The following SLC24A1 variants were observed in gnomAD, a reference collection of about 807,000 sequenced individuals.
SLC24A1 encodes solute carrier family 24 member 1.
Under a neutral mutation model 88.1 loss-of-function variants are expected in SLC24A1, and 52 were observed. The ratio of observed to expected loss-of-function variants is 0.59; its 90% confidence interval spans 0.47 to 0.74. The LOEUF is 0.74. Among genes scored for constraint, SLC24A1 ranks in the 30% least tolerant of loss-of-function variants. The probability of loss-of-function intolerance (pLI) is 0.00; values close to 1 mark genes in which losing one functional copy is unlikely to be tolerated. For missense variants in SLC24A1, 1,173 were observed against 1,363.3 expected (o/e 0.86, Z 2.20); for synonymous variants, 455 against 498.0 (o/e 0.91, Z 1.15).
At position 65,624,435 on chromosome 15, in the gene SLC24A1, G is replaced by A; in HGVS notation, c.355G>A (p.Ala119Thr). 1 of 1,612,420 alleles carries A rather than the reference G, an allele frequency of 6.2e-7. No individual in the cohort carries two copies. Among genetic ancestry groups the A allele is most frequent in the Non-Finnish European group, 8.5e-7 (1 of 1,179,186 alleles). ...TATCCCCAGTATGCCTAAAAGAACA[G>A]CCAAGATGATCCCAACAACAACCAA... ...ENIPSMPKRT[A>T]KMIPTTTKNN... Residue 119 changes from alanine to threonine, a missense_variant, in exon 2 of 10, where the codon GCC (alanine) becomes ACC (threonine). Coordinates refer to ENST00000261892, the MANE Select transcript of SLC24A1 (RefSeq NM_004727.3).
At chr15:65,648,408 G>A (rs377513072) in intron 6 of SLC24A1, among the ~76,000 whole-genome samples, 1 of 152,164 alleles carries the variant, frequency 6.6e-6, no homozygotes, top group Non-Finnish European at 1.5e-5. Flanking sequence ...TTGCTCAAGG[G>A]ATGGACCAGC....
Position 65,624,317 on chromosome 15 carries a change from T to C in SLC24A1, c.237T>C (p.Pro79=). The C allele has an allele frequency of 6.2e-7, 1 of 1,613,650 alleles. No homozygotes were observed. Among genetic ancestry groups the C allele is most frequent in the Admixed American group, 1.7e-5 (1 of 59,978 alleles). ...SEEMMMMSSS[P]SKPSSEMGGK... is the part of the protein sequence containing the mutation. ...AGATGATGATGATGAGCAGCAGCCC[T>C]TCAAAACCTAGCTCCGAAATGGGGG... The change falls in exon 2 of 10, where the codon CCT becomes CCC. Residue 79 remains proline, a synonymous_variant. Coordinates refer to ENST00000261892, the MANE Select transcript of SLC24A1 (RefSeq NM_004727.3).
intron 2 of SLC24A1, among the ~76,000 whole-genome samples, chr15:65,612,924 G>A (rs1011014367): frequency 1.3e-5 from 2 of 152,160 alleles, no homozygotes; most frequent in Admixed American, 1.3e-4. Flanking sequence ...ATGATAAAAG[G>A]CACAGCTACC....
rs1181868318 is a variant in SLC24A1, at chr15:65,656,144, C to T, written c.*2065C>T. On this transcript the variant is annotated 3_prime_UTR_variant, in exon 10 of 10. Transcript: ENST00000261892. ...TCGGGGATGTCACCTCACCCACAGC[C>T]TGGGATCTGACGTTCTTCCTCAGAC... 2 of 985,414 alleles carry T rather than the reference C, an allele frequency of 2.0e-6. No individual in the cohort carries two copies. The highest frequency in any genetic ancestry group is 2.4e-6 in the Non-Finnish European group (2 of 829,946). 61.0% of individuals were successfully genotyped at this position (985,414 alleles called of 1,614,324 possible). A position where few individuals can be genotyped will look rare whatever the true frequency, so the allele number is the denominator to read the frequency against.
chr15:65,620,330 C>G (rs2074280203), upstream of SLC24A1, among the ~76,000 whole-genome samples: 2 of 152,088 alleles, frequency 1.3e-5, no homozygotes, highest in Admixed American at 1.3e-4. Flanking sequence ...CCCTCTAACA[C>G]AATCTGATTG....
At position 65,649,971 on chromosome 15, in the gene SLC24A1, C is replaced by G. The variant is rs1265572399; in HGVS notation, c.2233-411C>G. Among the ~76,000 whole-genome samples, 5 of 152,286 alleles carry G rather than the reference C, an allele frequency of 3.3e-5. No homozygotes were observed. The South Asian group carries it at 1.0e-3, about 32-fold the overall frequency. ...AGTTCACCAGGATAGGGAGGAGGCT[C>G]TAGGCCATAGCATGTAGAAATGATA... On this transcript the variant is annotated intron_variant, in intron 6 of 9. Transcript: ENST00000261892.
At chr15:65,633,252 C>G (rs2141544722) in intron 2 of SLC24A1, among the ~76,000 whole-genome samples, 1 of 152,310 alleles carries the variant, frequency 6.6e-6, no homozygotes, top group East Asian at 1.9e-4. Flanking sequence ...AATATATACA[C>G]TGGGTTTCAA....
intron 9 of SLC24A1, among the ~76,000 whole-genome samples, chr15:65,653,621 C>T (rs1297284650): frequency 1.3e-5 from 2 of 152,008 alleles, no homozygotes; most frequent in East Asian, 1.9e-4. Flanking sequence ...TTAACCTAAG[C>T]TCTTCTAGTT....
At position 65,650,490 on chromosome 15, in the gene SLC24A1, G is replaced by A; in HGVS notation, c.2341G>A (p.Gly781Ser). The stretch of plus-strand genomic sequence containing the variant: ...AAGTGGAGGTGAAACTCAACCAGAA[G>A]GTGAAGGTGAAACTGAAACACAAGG... ...EKSGGETQPE[G>S]EGETETQGKG... Residue 781 changes from glycine (G) to serine (S), a missense_variant, in exon 7 of 10, where the codon GGT becomes AGT. Physicochemically the swap from Gly to Ser is moderately conservative, Grantham distance 56. Coordinates refer to ENST00000261892, the MANE Select transcript of SLC24A1 (RefSeq NM_004727.3). The surrounding 1 kb of genome is among the most constrained non-coding windows in gnomAD (Gnocchi z 4.1). The A allele has an allele frequency of 6.4e-7, 1 of 1,551,680 alleles. No individual in the cohort carries two copies. Among genetic ancestry groups the A allele is most frequent in the African/African-American group, 1.4e-5 (1 of 73,126 alleles).
At chr15:65,651,566 C>T (rs1419343362) in intron 7 of SLC24A1, 104 bp from the exon 8 acceptor site, 3 of 689,828 alleles carry the variant, frequency 4.3e-6, no homozygotes, top group Non-Finnish European at 8.0e-6. Context: ...GCCTCCATCA[C>T]TCTTCCATTA....
chr15:65,611,369 C>T, upstream of SLC24A1: 3 of 605,920 alleles, frequency 5.0e-6, no homozygotes, highest in South Asian at 5.8e-5. Context: ...CAACTTCTCT[C>T]GAGCCTTGGC....
At chr15:65,615,633 A>G (rs2074113149) in intron 2 of SLC24A1, among the ~76,000 whole-genome samples, 1 of 152,140 alleles carries the variant, frequency 6.6e-6, no homozygotes, top group African/African-American at 2.4e-5. Context: ...GTGAACCAAC[A>G]TCATGCCACT....
chr15:65,639,103 G>A (rs1466308025), intron 3 of SLC24A1, among the ~76,000 whole-genome samples: 1 of 152,162 alleles, frequency 6.6e-6, no homozygotes, highest in Non-Finnish European at 1.5e-5. Context: ...CATGACCTTG[G>A]CTTAGGCACC....
chr15:65,643,177 G>A (rs1361843563), intron 4 of SLC24A1, among the ~76,000 whole-genome samples: 2 of 152,180 alleles, frequency 1.3e-5, no homozygotes, highest in Non-Finnish European at 2.9e-5. Flanking sequence ...TACAGATGAA[G>A]AATCTGAAGT....
At chr15:65,643,742 C>T (rs1484386326) in intron 4 of SLC24A1, among the ~76,000 whole-genome samples, 2 of 152,234 alleles carry the variant, frequency 1.3e-5, no homozygotes, top group Non-Finnish European at 2.9e-5. Flanking sequence ...GGGCCTCCAG[C>T]AAAGCATGTG....
chr15:65,625,582 C>T lies in SLC24A1; in HGVS notation c.1502C>T (p.Ala501Val). The change falls in exon 2 of 10, where the codon GCT becomes GTT. Residue 501 changes from alanine (A) to valine (V), a missense_variant. Transcript: ENST00000261892. Reference protein sequence around the residue: ...SEDVAGATFMAAGGSAPELFT... With the variant: ...SEDVAGATFMVAGGSAPELFT... ...GATGTGGCAGGCGCCACATTCATGGCTGCTGGAGGCTCTGCTCCTGAGCTC... is the reference window on the plus strand; with the variant it reads ...GATGTGGCAGGCGCCACATTCATGGTTGCTGGAGGCTCTGCTCCTGAGCTC... The T allele has an allele frequency of 1.2e-6, 2 of 1,614,036 alleles. No homozygotes were observed. Among genetic ancestry groups the T allele is most frequent in the Non-Finnish European group, 1.7e-6 (2 of 1,179,896 alleles).
At position 65,644,501 on chromosome 15, in the gene SLC24A1, A is replaced by T. The variant is rs1157735262; in HGVS notation, c.2128A>T (p.Ser710Cys). The change falls in exon 5 of 10, where the codon AGC (serine) becomes TGC (cysteine). Residue 710 changes from serine to cysteine, a missense_variant. Ser to Cys is a moderately radical substitution (Grantham distance 112). Coordinates refer to ENST00000261892, the MANE Select transcript of SLC24A1 (RefSeq NM_004727.3). ...AGCCCAACCCCAGGCCAAAGCAGAA[A>T]GCAAACCAGAAGGTGAGAGGATGGC... ...ARAQPQAKAE[S>C]KPEEEEPAKL... The T allele has an allele frequency of 6.3e-7, 1 of 1,586,472 alleles. No individual in the cohort carries two copies. Among genetic ancestry groups the T allele is most frequent in the Non-Finnish European group, 8.6e-7 (1 of 1,166,282 alleles).
At chr15:65,635,446 C>CAA (rs56960432) in intron 2 of SLC24A1, among the ~76,000 whole-genome samples, 3,735 of 57,866 alleles carry the variant, frequency 0.065, 424 homozygotes, top group African/African-American at 0.18. Context: ...ACTCCGTCTC[C>CAA]AAAAAAAAAA....
chr15:65,640,813 T>A (rs1238717689), intron 4 of SLC24A1, among the ~76,000 whole-genome samples: 1 of 150,002 alleles, frequency 6.7e-6, no homozygotes, highest in Admixed American at 6.6e-5. Context: ...AATCCTAGCA[T>A]CTTGGGAGGC....
Sources: allele counts gnomAD v4.1 joint callset (sites outside exome capture counted in the v4.1 genomes callset), GRCh38; gene constraint gnomAD v4.1.1; non-coding constraint Gnocchi (gnomAD v3.1); transcripts MANE v1.5; gene names NCBI Gene and HGNC (gene_info 2026-07-23, HGNC 2026-07-21).